The following SMCP variants were observed in gnomAD, a reference collection of about 807,000 sequenced individuals.
SMCP encodes the protein sperm mitochondria associated cysteine rich protein, also known as sperm mitochondrial-associated cysteine-rich protein.
For synonymous variants in SMCP, 41 were observed against 46.9 expected (o/e 0.87, Z 0.51); for missense variants, 137 against 137.1 (o/e 1.00, Z 0.01).
chr1:152,878,946 G>A (rs1258882112), intron 1 of SMCP, among the ~76,000 whole-genome samples: 2 of 152,216 alleles, frequency 1.3e-5, no homozygotes, highest in African/African-American at 2.4e-5. Context: ...GCAGGTGTCT[G>A]CTCTGAGCCA....
chr1:152,881,673 C>T (rs1456443424), intron 1 of SMCP, among the ~76,000 whole-genome samples: 6 of 134,992 alleles, frequency 4.4e-5, no homozygotes, highest in East Asian at 2.3e-4. Context: ...CCGGCCTGGG[C>T]GACAGAGCGA....
chr1:152,880,519 C>G (rs1185073276), intron 1 of SMCP, among the ~76,000 whole-genome samples: 1 of 152,180 alleles, frequency 6.6e-6, no homozygotes, highest in South Asian at 2.1e-4. Flanking sequence ...TTGCTCACCT[C>G]TCTCCTTCCT....
At chr1:152,879,843 G>A (rs1431522594) in intron 1 of SMCP, among the ~76,000 whole-genome samples, 1 of 152,150 alleles carries the variant, frequency 6.6e-6, no homozygotes, top group Non-Finnish European at 1.5e-5. Flanking sequence ...CTTGGAGTGG[G>A]GACATTGGTG....
chr1:152,879,468 G>A (rs1489131918), intron 1 of SMCP, among the ~76,000 whole-genome samples: 3 of 152,098 alleles, frequency 2.0e-5, no homozygotes, highest in Non-Finnish European at 4.4e-5. Flanking sequence ...TGATTCACCC[G>A]TCCCAGCCTC....
intron 1 of SMCP, among the ~76,000 whole-genome samples, chr1:152,879,278 T>C (rs1648963663): frequency 1.3e-5 from 2 of 152,214 alleles, no homozygotes; most frequent in Non-Finnish European, 2.9e-5. Flanking sequence ...TGGAGTGCAG[T>C]GGTGAGGTCT....
chr1:152,884,435 A>T lies in SMCP; in HGVS notation c.13A>T (p.Thr5Ser), dbSNP rs145468818. The T allele has an allele frequency of 3.4e-4, 551 of 1,614,218 alleles. No individual in the cohort carries two copies. The highest frequency in any genetic ancestry group is 4.8e-4 in the Admixed American group (29 of 60,034). Residue 5 changes from threonine (T) to serine (S), a missense_variant, in exon 2 of 2, where the codon ACA (threonine) becomes TCA (serine). By Grantham distance (58) the Thr-to-Ser change is moderately conservative. Coordinates refer to ENST00000368765, the MANE Select transcript of SMCP (RefSeq NM_030663.3). The stretch of plus-strand genomic sequence containing the variant: ...AAGTGTTCAGAAGATGTGTGACCAG[A>T]CAAAACACAGTAAATGCTGCCCAGC... MCDQ[T>S]KHSKCCPAKG...
intron 1 of SMCP, among the ~76,000 whole-genome samples, 191 bp from the exon 2 acceptor site, chr1:152,884,212 A>G (rs1245084741): frequency 1.3e-5 from 2 of 152,176 alleles, no homozygotes; most frequent in African/African-American, 4.8e-5. Flanking sequence ...CTAGTAAGGA[A>G]CAAACACACT....
At position 152,884,713 on chromosome 1, in the gene SMCP, G is replaced by T. The variant is rs1481268697; in HGVS notation, c.291G>T (p.Lys97Asn). The change falls in exon 2 of 2, where the codon AAG becomes AAT. Residue 97 changes from lysine to asparagine, a missense_variant. Transcript: ENST00000368765. ...SEPNSPQTQD[K>N]GCQTQQQPHS... is the part of the protein sequence containing the mutation. ...CCAACTCACCGCAAACTCAGGACAA[G>T]GGCTGTCAAACCCAGCAGCAGCCCC... 3 of 1,614,180 alleles carry T rather than the reference G, an allele frequency of 1.9e-6. No individual in the cohort carries two copies. The highest frequency in any genetic ancestry group is 2.5e-6 in the Non-Finnish European group (3 of 1,180,042).
intron 1 of SMCP, among the ~76,000 whole-genome samples, chr1:152,880,424 A>G (rs1219887472): frequency 6.6e-6 from 1 of 152,148 alleles, no homozygotes; most frequent in Non-Finnish European, 1.5e-5. Flanking sequence ...GGTGGTAGAG[A>G]ACATGGCCCT....
intron 1 of SMCP, among the ~76,000 whole-genome samples, chr1:152,883,376 C>T (rs1337955798): frequency 6.6e-6 from 1 of 152,210 alleles, no homozygotes; most frequent in Admixed American, 6.5e-5. Context: ...TCTGGGACCA[C>T]AACAGTGGCG....
At chr1:152,883,766 A>T (rs1042970406) in intron 1 of SMCP, among the ~76,000 whole-genome samples, 41 of 152,308 alleles carry the variant, frequency 2.7e-4, no homozygotes, top group African/African-American at 9.9e-4. Flanking sequence ...CCATGCCAAG[A>T]GCACTGTACT....
intron 1 of SMCP, among the ~76,000 whole-genome samples, chr1:152,879,247 G>A (rs1648963135): frequency 6.6e-6 from 1 of 152,166 alleles, no homozygotes; most frequent in African/African-American, 2.4e-5. Context: ...TTGAGATGGA[G>A]TCTCACTCTG....
intron 1 of SMCP, among the ~76,000 whole-genome samples, chr1:152,879,959 G>A (rs766708449): frequency 6.6e-6 from 1 of 152,058 alleles, no homozygotes; most frequent in Admixed American, 6.5e-5. Flanking sequence ...GCTCAGTCTG[G>A]ACTTGTAAAG....
In SMCP at chr1:152,884,758, C is replaced by T; in HGVS notation, c.336C>T (p.Ser112=). The T allele has an allele frequency of 6.2e-7, 1 of 1,613,678 alleles. No individual in the cohort carries two copies. The highest frequency in any genetic ancestry group is 8.5e-7 in the Non-Finnish European group (1 of 1,179,680). Residue 112 remains serine, a synonymous_variant, in exon 2 of 2, where the codon TCC becomes TCT. Transcript: ENST00000368765. ...QQQPHSPQNE[S]RPSK ...AGCCCCATAGCCCACAAAATGAGTC[C>T]AGGCCAAGCAAATGAGAGCAGAAGA...
At chr1:152,880,803 G>T (rs998349533) in intron 1 of SMCP, among the ~76,000 whole-genome samples, 2 of 152,044 alleles carry the variant, frequency 1.3e-5, no homozygotes, top group Admixed American at 6.5e-5. Flanking sequence ...GGTGGGAACT[G>T]CCCTTGACCC....
chr1:152,884,823 C>A lies in SMCP; in HGVS notation c.*50C>A, dbSNP rs1368777629. 1 of 1,516,378 alleles carries A rather than the reference C, an allele frequency of 6.6e-7. No homozygotes were observed. Among genetic ancestry groups the A allele is most frequent in the Non-Finnish European group, 9.1e-7 (1 of 1,103,400 alleles). 93.9% of individuals were successfully genotyped at this position (1,516,378 alleles called of 1,614,324 possible). On this transcript the variant is annotated 3_prime_UTR_variant, in exon 2 of 2. Transcript: ENST00000368765. ...GAAGTCCCTGGGGCCATGCCTTTCACTTTGTAGGGTGGGGGATTACTGAGA... is the reference window on the plus strand; with the variant it reads ...GAAGTCCCTGGGGCCATGCCTTTCAATTTGTAGGGTGGGGGATTACTGAGA...
At chr1:152,878,629 T>A (rs1435811136) in intron 1 of SMCP, among the ~76,000 whole-genome samples, 183 bp downstream of exon 1, 1 of 152,098 alleles carries the variant, frequency 6.6e-6, no homozygotes, top group Non-Finnish European at 1.5e-5. Flanking sequence ...GAGGAAGACA[T>A]GGGAGCCACT....
At chr1:152,882,676 C>T (rs1649091658) in intron 1 of SMCP, among the ~76,000 whole-genome samples, 1 of 152,164 alleles carries the variant, frequency 6.6e-6, no homozygotes, top group Admixed American at 6.5e-5. Flanking sequence ...CACACACACA[C>T]ACACACTCTC....
chr1:152,881,068 G>A lies in SMCP; in HGVS notation c.-21+2622G>A, dbSNP rs555107533. Among the ~76,000 whole-genome samples, 144 of 72,390 alleles carry A rather than the reference G, an allele frequency of 2.0e-3. 2 individuals carry two copies. In the South Asian group the frequency reaches 0.057, roughly 29 times the overall value. The allele number at this position is 72,390 out of a possible 152,430, so 47.5% of individuals were successfully genotyped here. A position where few individuals can be genotyped will look rare whatever the true frequency, so the allele number is the denominator to read the frequency against. ...AGTCTGCGCTGGGGCTGGGTCCAAC[G>A]TGTGAGTCTGAAAGTTACTGTTTCT... On this transcript the variant is annotated intron_variant, in intron 1 of 1. Coordinates refer to ENST00000368765, the MANE Select transcript of SMCP (RefSeq NM_030663.3).
Sources: gnomAD v4.1 joint callset for allele counts (sites outside exome capture counted in the v4.1 genomes callset) on GRCh38, gnomAD v4.1.1 for gene constraint, MANE v1.5 for transcripts, NCBI Gene and HGNC (gene_info 2026-07-23, HGNC 2026-07-21) for gene names.